SAMMSON: variants seen among roughly 807,000 people sequenced by gnomAD.
SAMMSON encodes long intergenic non-protein coding RNA 1212.
At chr3:70,077,306 A>G (rs1407740268) in intron 4 of SAMMSON, among the ~76,000 whole-genome samples, 3 of 152,188 alleles carry the variant, frequency 2.0e-5, no homozygotes, top group Admixed American at 6.6e-5. Context: ...GGTTTGAAAG[A>G]TATTTGTTAA....
chr3:70,026,741 A>G (rs141853220), intron 3 of SAMMSON, among the ~76,000 whole-genome samples: 1 of 152,326 alleles, frequency 6.6e-6, no homozygotes, highest in Non-Finnish European at 1.5e-5. Flanking sequence ...AGTTTACCAC[A>G]CTAAGTTTCT....
chr3:70,411,205 G>A (rs1053124905), intron 2 of SAMMSON, among the ~76,000 whole-genome samples: 3 of 152,144 alleles, frequency 2.0e-5, no homozygotes, highest in African/African-American at 4.8e-5. Context: ...TGACTAAAAG[G>A]GAGGTAGATT....
intron 4 of SAMMSON, among the ~76,000 whole-genome samples, chr3:70,141,847 C>A (rs2067529053): frequency 6.6e-6 from 1 of 152,102 alleles, no homozygotes; most frequent in African/African-American, 2.4e-5. Flanking sequence ...ATAAGTTCTG[C>A]ATTAGAGTAA....
intron 3 of SAMMSON, among the ~76,000 whole-genome samples, chr3:70,018,106 G>A (rs1274889529): frequency 1.3e-5 from 2 of 152,156 alleles, no homozygotes; most frequent in East Asian, 3.9e-4. Flanking sequence ...CATAAAATGA[G>A]TGAGGGAGGA....
intron 4 of SAMMSON, among the ~76,000 whole-genome samples, chr3:70,124,716 G>C (rs1438621040): frequency 6.7e-6 from 1 of 149,606 alleles, no homozygotes; most frequent in East Asian, 2.0e-4. Context: ...TTGGGAGGCT[G>C]AGGCAGGAGA....
chr3:70,305,117 A>G (rs1428720161), intron 7 of SAMMSON, among the ~76,000 whole-genome samples: 1 of 152,164 alleles, frequency 6.6e-6, no homozygotes, highest in Non-Finnish European at 1.5e-5. Flanking sequence ...TCTCTATCAC[A>G]ACATCTTGTT....
chr3:70,356,441 A>G (rs1702829766), intron 8 of SAMMSON, among the ~76,000 whole-genome samples: 1 of 152,132 alleles, frequency 6.6e-6, no homozygotes, highest in Non-Finnish European at 1.5e-5. Flanking sequence ...AAAATGTGCT[A>G]TACCCTAACC....
chr3:70,195,546 T>TTTGCCTGA (rs1421561797), intron 4 of SAMMSON, among the ~76,000 whole-genome samples: 50 of 152,312 alleles, frequency 3.3e-4, no homozygotes, highest in African/African-American at 1.1e-3. Flanking sequence ...AAATGGTGAT[T>TTTGCCTGA]TTGCCTGAAA....
At chr3:70,191,698 A>G (rs1701132174) in intron 4 of SAMMSON, among the ~76,000 whole-genome samples, 1 of 152,100 alleles carries the variant, frequency 6.6e-6, no homozygotes. Flanking sequence ...TATTTTTCTG[A>G]ATGCTTTAAA....
At chr3:70,178,012 C>T (rs1701020194) in intron 4 of SAMMSON, among the ~76,000 whole-genome samples, 1 of 152,168 alleles carries the variant, frequency 6.6e-6, no homozygotes, top group Admixed American at 6.5e-5. Context: ...TATCTATAAA[C>T]ACTCCCTGCC....
At chr3:70,039,940 T>C (rs1250291170) in intron 3 of SAMMSON, among the ~76,000 whole-genome samples, 2 of 152,152 alleles carry the variant, frequency 1.3e-5, no homozygotes, top group Non-Finnish European at 2.9e-5. Flanking sequence ...GTGAAGTTGA[T>C]GGCCCTTCAC....
At chr3:70,115,019 C>G (rs2067404613) in intron 4 of SAMMSON, among the ~76,000 whole-genome samples, 1 of 151,956 alleles carries the variant, frequency 6.6e-6, no homozygotes, top group Non-Finnish European at 1.5e-5. Flanking sequence ...CATCAGACCA[C>G]AGTTTATCTT....
At chr3:70,242,401 T>C (rs1164727787) in intron 4 of SAMMSON, among the ~76,000 whole-genome samples, 2 of 152,202 alleles carry the variant, frequency 1.3e-5, no homozygotes, top group East Asian at 3.9e-4. Context: ...TTTCTTTTTG[T>C]AGAATTAGAT....
intron 4 of SAMMSON, among the ~76,000 whole-genome samples, chr3:70,235,097 T>C (rs1445321579): frequency 6.6e-6 from 1 of 152,180 alleles, no homozygotes; most frequent in Non-Finnish European, 1.5e-5. Context: ...TGTTCCTTTA[T>C]GTTTTTTTCC....
chr3:70,114,143 G>A (rs1245502104), intron 4 of SAMMSON, among the ~76,000 whole-genome samples: 1 of 152,208 alleles, frequency 6.6e-6, no homozygotes, highest in Non-Finnish European at 1.5e-5. Context: ...CTCCAGAGGA[G>A]CGGGTCAGAA....
chr3:70,247,782 A>G (rs1220328330), intron 4 of SAMMSON, among the ~76,000 whole-genome samples: 1 of 152,036 alleles, frequency 6.6e-6, no homozygotes. Context: ...CAGAGCCTAA[A>G]GGAAGATTCA....
intron 7 of SAMMSON, among the ~76,000 whole-genome samples, chr3:70,310,800 C>T (rs773412876): frequency 5.3e-5 from 8 of 152,034 alleles, no homozygotes; most frequent in African/African-American, 9.7e-5. Flanking sequence ...CATGTTCTGA[C>T]GAGTAACTTA....
At chr3:70,194,791 T>C (rs1025802017) in intron 4 of SAMMSON, among the ~76,000 whole-genome samples, 1 of 152,160 alleles carries the variant, frequency 6.6e-6, no homozygotes, top group African/African-American at 2.4e-5. Context: ...AACACCAATA[T>C]GGCATGGCCT....
At chr3:70,377,940 A>G (rs1280074776) in intron 9 of SAMMSON, among the ~76,000 whole-genome samples, 1 of 152,046 alleles carries the variant, frequency 6.6e-6, no homozygotes, top group East Asian at 1.9e-4. Flanking sequence ...CAAACATTTA[A>G]TAAGTACTGG....
Sources: allele counts gnomAD v4.1 joint callset (sites outside exome capture counted in the v4.1 genomes callset), GRCh38; gene constraint gnomAD v4.1.1; transcripts MANE v1.5; gene names NCBI Gene and HGNC (gene_info 2026-07-23, HGNC 2026-07-21).